Variants in ADAMTSL1 observed in about 807,000 individuals in gnomAD.
The protein encoded by ADAMTSL1 is ADAMTS-like protein 1.
In ADAMTSL1, 126 loss-of-function variants were observed where a neutral mutation model predicts 201.8. The observed-to-expected ratio is 0.62, with a 90% CI of 0.54 to 0.72. The LOEUF is 0.72. Ranked by LOEUF, ADAMTSL1 falls within the 30% of genes least tolerant of loss-of-function variation. The pLI is 0.00. For missense variants in ADAMTSL1, 2,679 were observed against 2,277.8 expected, an observed-to-expected ratio of 1.18 and a Z score of -3.59; for synonymous variants, 1,121 against 903.4, an observed-to-expected ratio of 1.24 and a Z score of -4.32.
intron 2 of ADAMTSL1, among the ~76,000 whole-genome samples, chr9:18,380,856 A>G (rs1227407892): frequency 2.0e-5 from 3 of 152,246 alleles, no homozygotes; most frequent in African/African-American, 7.2e-5. Context: ...AAACAAATGC[A>G]GCATGAGCTG....
chr9:18,626,805 TTTTCTTTC>T (rs750296540), intron 5 of ADAMTSL1, among the ~76,000 whole-genome samples: 4 of 141,686 alleles, frequency 2.8e-5, no homozygotes, highest in African/African-American at 7.6e-5. Flanking sequence ...CCTGTATTTA[TTTTCTTTC>T]TTTCTTTCTT....
intron 2 of ADAMTSL1, among the ~76,000 whole-genome samples, chr9:18,374,930 A>G (rs950922102): frequency 6.6e-6 from 1 of 152,222 alleles, no homozygotes; most frequent in Non-Finnish European, 1.5e-5. Context: ...ATGGTTAATA[A>G]TAGTCAGTCT....
chr9:18,421,037 C>T (rs1171085677), intron 2 of ADAMTSL1, among the ~76,000 whole-genome samples: 5 of 152,056 alleles, frequency 3.3e-5, no homozygotes, highest in East Asian at 1.9e-4. Flanking sequence ...GGGACTGGAA[C>T]GTCATCAGCA....
At chr9:18,862,115 C>T (rs1453295296) in intron 23 of ADAMTSL1, among the ~76,000 whole-genome samples, 2 of 152,152 alleles carry the variant, frequency 1.3e-5, no homozygotes, top group Non-Finnish European at 2.9e-5. Context: ...AGTGAGGCCT[C>T]CCGGGATACG....
At chr9:18,843,066 A>G (rs1825838484) in intron 23 of ADAMTSL1, among the ~76,000 whole-genome samples, 1 of 151,728 alleles carries the variant, frequency 6.6e-6, no homozygotes, top group African/African-American at 2.4e-5. Context: ...TGTGAATCTG[A>G]TCCTGTCATT....
At chr9:18,159,115 T>A (rs1827276890) in intron 1 of ADAMTSL1, among the ~76,000 whole-genome samples, 1 of 152,048 alleles carries the variant, frequency 6.6e-6, no homozygotes, top group Non-Finnish European at 1.5e-5. Context: ...AATAATACAG[T>A]GGCCAGTTAC....
At chr9:18,038,407 A>G (rs1459904707) in intron 1 of ADAMTSL1, among the ~76,000 whole-genome samples, 1 of 152,176 alleles carries the variant, frequency 6.6e-6, no homozygotes, top group East Asian at 1.9e-4. Context: ...AGAAATCAAG[A>G]AGGCCCTAAC....
At chr9:18,010,402 C>G (rs1017613310) in intron 1 of ADAMTSL1, among the ~76,000 whole-genome samples, 1 of 151,888 alleles carries the variant, frequency 6.6e-6, no homozygotes, top group Admixed American at 6.6e-5. Context: ...CTGGGGAGAA[C>G]TATTTTATGG....
rs148103973 is a variant in ADAMTSL1, at chr9:18,451,179, G to T, written c.208-53650G>T. Among the ~76,000 whole-genome samples the T allele has an allele frequency of 4.6e-5, 7 of 152,242 alleles. No homozygotes were observed. The East Asian group carries it at 1.4e-3, about 29-fold the overall frequency. On this transcript the variant is annotated intron_variant, in intron 2 of 29. Transcript: ENST00000680146. ...GTTCAAGGAAAACCATTTTATCAAA[G>T]CTGAGAATATTCTTTTCCTTGAAAC...
rs146555552 is a variant in ADAMTSL1 at position 18,273,087 on chromosome 9, T to C, written c.207+109106T>C. Reference sequence around the variant, plus strand: ...GGTTGCAGGGACCAAAAGGTCCAGGTTATTTTATACCTTGTGGAGTCTCAC... The same window carrying C: ...GGTTGCAGGGACCAAAAGGTCCAGGCTATTTTATACCTTGTGGAGTCTCAC... On this transcript the variant is annotated intron_variant, in intron 2 of 29. Coordinates refer to the ADAMTSL1 transcript ENST00000680146. 7.8e-4 allele frequency among the ~76,000 whole-genome samples: 118 copies of C among 152,254 alleles called. 2 individuals carry two copies. Among genetic ancestry groups the C allele is most frequent in the African/African-American group, 2.6e-3 (110 of 41,554 alleles).
chr9:18,707,239 T>C (rs1159472345), intron 14 of ADAMTSL1, among the ~76,000 whole-genome samples, 191 bp downstream of exon 14: 1 of 152,230 alleles, frequency 6.6e-6, no homozygotes, highest in Non-Finnish European at 1.5e-5. Flanking sequence ...CCAGTGGCTC[T>C]CAGACTGTCA....
intron 2 of ADAMTSL1, among the ~76,000 whole-genome samples, chr9:18,462,126 T>C (rs1038140974): frequency 6.6e-6 from 1 of 152,202 alleles, no homozygotes; most frequent in Non-Finnish European, 1.5e-5. Flanking sequence ...CAGATGTATA[T>C]ATTTATATAA....
chr9:18,582,639 G>A (rs951589483), intron 4 of ADAMTSL1, among the ~76,000 whole-genome samples: 3 of 152,030 alleles, frequency 2.0e-5, no homozygotes, highest in South Asian at 2.1e-4. Flanking sequence ...ATGAGGTCAG[G>A]AGATTGAGAC....
intron 2 of ADAMTSL1, among the ~76,000 whole-genome samples, chr9:18,222,630 T>C (rs564221105): frequency 3.3e-5 from 5 of 150,896 alleles, no homozygotes; most frequent in Non-Finnish European, 7.4e-5. Flanking sequence ...TTTGTTTCAA[T>C]TTACTCATAT....
chr9:18,132,160 T>A (rs1306702937), intron 1 of ADAMTSL1, among the ~76,000 whole-genome samples: 1 of 152,158 alleles, frequency 6.6e-6, no homozygotes, highest in Admixed American at 6.5e-5. Flanking sequence ...TGCCCTACTT[T>A]ACTTCCTGTT....
intron 2 of ADAMTSL1, among the ~76,000 whole-genome samples, chr9:18,438,580 C>G (rs1483878553): frequency 6.6e-6 from 1 of 152,214 alleles, no homozygotes; most frequent in Admixed American, 6.5e-5. Context: ...CGTGTCCCTT[C>G]CCGCACTGCC....
At chr9:18,819,697 A>G (rs1409048606) in intron 21 of ADAMTSL1, among the ~76,000 whole-genome samples, 1 of 152,194 alleles carries the variant, frequency 6.6e-6, no homozygotes, top group Non-Finnish European at 1.5e-5. Context: ...TGGCTATGAC[A>G]TTGCAGTCTT....
chr9:17,936,905 G>T (rs1239815049), intron 1 of ADAMTSL1, among the ~76,000 whole-genome samples: 1 of 152,092 alleles, frequency 6.6e-6, no homozygotes, highest in African/African-American at 2.4e-5. Context: ...TGTGGCTTTT[G>T]GTCTGAGGGT....
At chr9:18,091,451 C>T (rs74332371) in intron 1 of ADAMTSL1, among the ~76,000 whole-genome samples, 3,371 of 152,172 alleles carry the variant, frequency 0.022, 132 homozygotes, top group African/African-American at 0.076. Context: ...TGCCCTTCTG[C>T]GATCTCTGAA....
Sources: gnomAD v4.1 joint callset for allele counts (sites outside exome capture counted in the v4.1 genomes callset) on GRCh38, gnomAD v4.1.1 for gene constraint, MANE v1.5 for transcripts, NCBI Gene and HGNC (gene_info 2026-07-23, HGNC 2026-07-21) for gene names.